NIF3L1: variants seen among roughly 807,000 people sequenced by gnomAD.
The protein encoded by NIF3L1 is NGG1 interacting factor 3 like 1.
Under a neutral mutation model 35.0 loss-of-function variants are expected in NIF3L1, and 26 were observed. That is an observed-to-expected ratio of 0.74 (90% CI 0.54 to 1.03). The LOEUF (loss-of-function observed/expected upper bound fraction) is 1.03, where lower values mean the gene tolerates loss of function less well. NIF3L1 is among the 50% of genes least tolerant of loss of function. The pLI is 0.00. For missense variants in NIF3L1, 449 were observed against 466.3 expected (o/e 0.96, Z 0.34); for synonymous variants, 157 against 178.9 (o/e 0.88, Z 0.98).
At chr2:200,893,189 T>C (rs2040235490) in intron 2 of NIF3L1, 57 bp from the exon 3 acceptor site, 2 of 1,390,884 alleles carry the variant, frequency 1.4e-6, no homozygotes, top group Non-Finnish European at 9.6e-7. Context: ...TAGTTTACTT[T>C]TAAATCTTAA....
intron 5 of NIF3L1, 43 bp from the exon 6 acceptor site, chr2:200,899,337 TGAAAG>T (rs2040373691): frequency 1.4e-6 from 2 of 1,395,562 alleles, no homozygotes; most frequent in African/African-American, 1.4e-5. Flanking sequence ...AATAGTAAAA[TGAAAG>T]GGAATTGTAA....
rs1475916812 is a variant in NIF3L1 at position 200,897,068 on chromosome 2, C to G, written c.727-8C>G. ...TGCACACCGTTTCTAACTTCTGTTTCTCCTCAGCCTTTGCTTCTACATACT... is the reference window on the plus strand; with the variant it reads ...TGCACACCGTTTCTAACTTCTGTTTGTCCTCAGCCTTTGCTTCTACATACT... On this transcript the variant is annotated splice_region_variant and splice_polypyrimidine_tract_variant and intron_variant, in intron 4 of 6. Transcript: ENST00000409020. 6 of 1,612,970 alleles carry G rather than the reference C, an allele frequency of 3.7e-6. No homozygotes were observed. Among genetic ancestry groups the G allele is most frequent in the Non-Finnish European group, 5.1e-6 (6 of 1,179,390 alleles).
chr2:200,894,111 TTGCAG>T lies in NIF3L1; in HGVS notation c.599+706_599+710del, dbSNP rs540550248. ...ATCACTTGAACCCGAGAGGCGGAGG[TTGCAG>T]TGAGCCGAGATCGCGCCACTGCACT... On this transcript the variant is annotated intron_variant, in intron 3 of 6. Coordinates refer to ENST00000409020, the MANE Select transcript of NIF3L1 (RefSeq NM_001369441.2). 1.3e-4 allele frequency among the ~76,000 whole-genome samples: 20 copies of T among 150,296 alleles called. No homozygotes were observed. The East Asian group carries it at 4.0e-3, about 30-fold the overall frequency.
At chr2:200,891,333 T>C (rs1364888649) in intron 1 of NIF3L1, among the ~76,000 whole-genome samples, 1 of 152,210 alleles carries the variant, frequency 6.6e-6, no homozygotes, top group Non-Finnish European at 1.5e-5. Context: ...AGGCGGGCAG[T>C]GTCATTCTAT....
chr2:200,893,479 C>T, intron 3 of NIF3L1, 71 bp downstream of exon 3: 1 of 1,447,518 alleles, frequency 6.9e-7, no homozygotes, highest in East Asian at 2.3e-5. Flanking sequence ...GTCTATAACC[C>T]TGGTATTTAG....
In NIF3L1 at chr2:200,893,377, GAC is replaced by G. The variant is rs1341525364; in HGVS notation, c.569_570del (p.Asp190GlyfsTer10). Reference sequence around the variant, plus strand: ...AGTCATGTCTGCAGTGAAAGGAATTGACGGTGTTTCTGTCACTTCTTTTTCTG... The same window carrying G: ...AGTCATGTCTGCAGTGAAAGGAATTGGGTGTTTCTGTCACTTCTTTTTCTG... ...DKVMSAVKGI[D>X]GVSVTSFSAR... On this transcript the variant is annotated frameshift_variant, in exon 3 of 7. Transcript: ENST00000409020. LOFTEE classifies it high-confidence loss of function. 1 of 1,613,926 alleles carries G rather than the reference GAC, an allele frequency of 6.2e-7. No individual in the cohort carries two copies. The highest frequency in any genetic ancestry group is 8.5e-7 in the Non-Finnish European group (1 of 1,179,924).
intron 4 of NIF3L1, 50 bp downstream of exon 4, chr2:200,895,440 C>T: frequency 6.3e-7 from 1 of 1,582,754 alleles, no homozygotes; most frequent in Non-Finnish European, 8.7e-7. Flanking sequence ...CACACATTTT[C>T]TAACAGTATA....
At position 200,892,063 on chromosome 2, in the gene NIF3L1, T is replaced by C; in HGVS notation, c.120T>C (p.Phe40=). The C allele has an allele frequency of 6.2e-7, 1 of 1,614,232 alleles. No homozygotes were observed. The highest frequency in any genetic ancestry group is 8.5e-7 in the Non-Finnish European group (1 of 1,180,034). Residue 40 remains phenylalanine (F), a synonymous_variant, in exon 2 of 7, where the codon TTT becomes TTC. Coordinates refer to ENST00000409020, the MANE Select transcript of NIF3L1 (RefSeq NM_001369441.2). ...LKALLSSLND[F]ASLSFAESWD... Reference sequence around the variant, plus strand: ...CTCTCCTTTCTTCCTTGAATGACTTTGCATCCCTCTCGTTTGCTGAGAGTT... The same window carrying C: ...CTCTCCTTTCTTCCTTGAATGACTTCGCATCCCTCTCGTTTGCTGAGAGTT...
Position 200,893,404 on chromosome 2 carries a change from G to T in NIF3L1, c.595G>T (p.Ala199Ser), listed in dbSNP as rs776051945. 5.0e-6 allele frequency: 8 copies of T among 1,613,464 alleles called. No homozygotes were observed. Among genetic ancestry groups the T allele is most frequent in the Non-Finnish European group, 6.8e-6 (8 of 1,179,710 alleles). ...CGGTGTTTCTGTCACTTCTTTTTCT[G>T]CTAGGTACAATTTATTTTTCTCTTT... ...IDGVSVTSFS[A>S]RTGNEEQTRI... Residue 199 changes from alanine (A) to serine (S), a missense_variant, in exon 3 of 7, where the codon GCT (alanine) becomes TCT (serine). Physicochemically the swap from Ala to Ser is moderately conservative, Grantham distance 99. Transcript: ENST00000409020.
chr2:200,900,845 T>G (rs2040400383), intron 6 of NIF3L1, among the ~76,000 whole-genome samples: 1 of 152,236 alleles, frequency 6.6e-6, no homozygotes, highest in African/African-American at 2.4e-5. Flanking sequence ...AATAGTATAC[T>G]GAACTCCTAT....
intron 5 of NIF3L1, 136 bp downstream of exon 5, chr2:200,897,350 A>G (rs2040336063): frequency 2.3e-6 from 2 of 868,692 alleles, no homozygotes; most frequent in Non-Finnish European, 3.5e-6. Context: ...GTTATTGATT[A>G]GGGTGGGCCA....
chr2:200,896,351 CTCTGTG>C (rs989934487), intron 4 of NIF3L1, among the ~76,000 whole-genome samples: 1 of 152,180 alleles, frequency 6.6e-6, no homozygotes, highest in African/African-American at 2.4e-5. Flanking sequence ...TGTCCATGTC[CTCTGTG>C]TTTAGAATGC....
intron 6 of NIF3L1, among the ~76,000 whole-genome samples, chr2:200,900,122 T>G (rs2040387733): frequency 6.6e-6 from 1 of 152,190 alleles, no homozygotes. Flanking sequence ...CTGAGAAGCC[T>G]TCTCTGACAC....
At chr2:200,894,004 G>A (rs922012871) in intron 3 of NIF3L1, among the ~76,000 whole-genome samples, 4 of 151,820 alleles carry the variant, frequency 2.6e-5, no homozygotes, top group Non-Finnish European at 5.9e-5. Flanking sequence ...GAGAAACCTC[G>A]TCTCTACTAA....
rs75370944 is a variant in NIF3L1 at position 200,899,374 on chromosome 2, C to T, written c.866-11C>T. ...GTAAAGTATTGGTCTCTTGTTTCCT[C>T]TGTTTTGAAGAGTCTCAAGTCAAAG... is the stretch of plus-strand genomic sequence containing the variant. On this transcript the variant is annotated splice_polypyrimidine_tract_variant and intron_variant, in intron 5 of 6. Coordinates refer to ENST00000409020, the MANE Select transcript of NIF3L1 (RefSeq NM_001369441.2). The T allele has an allele frequency of 7.1e-3, 11,427 of 1,608,028 alleles. 729 individuals carry two copies. The African/African-American group carries it at 0.14, about 19-fold the overall frequency.
intron 3 of NIF3L1, among the ~76,000 whole-genome samples, chr2:200,894,551 C>T (rs1046697423): frequency 1.3e-5 from 2 of 151,584 alleles, no homozygotes; most frequent in African/African-American, 4.8e-5. Context: ...CAGGCACCCG[C>T]CCCCCACCAC....
chr2:200,891,843 G>A (rs2040197386), intron 1 of NIF3L1, 75 bp from the exon 2 acceptor site: 1 of 848,614 alleles, frequency 1.2e-6, no homozygotes, highest in Non-Finnish European at 1.8e-6. Flanking sequence ...CAGCTCTTTT[G>A]CCCATATGTT....
chr2:200,890,267 A>G (rs996857507), intron 1 of NIF3L1, among the ~76,000 whole-genome samples: 2 of 152,076 alleles, frequency 1.3e-5, no homozygotes, highest in Admixed American at 1.3e-4. Flanking sequence ...CTGAGGTGGG[A>G]GGATCTGCTT....
chr2:200,891,960 T>C lies in NIF3L1; in HGVS notation c.17T>C (p.Val6Ala). The C allele has an allele frequency of 6.2e-7, 1 of 1,610,632 alleles. No individual in the cohort carries two copies. Among genetic ancestry groups the C allele is most frequent in the Non-Finnish European group, 8.5e-7 (1 of 1,177,908 alleles). MLSSCVRPVPTTVRFV... is the reference protein window; with the variant it reads MLSSCARPVPTTVRFV... Reference sequence around the variant, plus strand: ...GATTTCTGTATGTTGTCATCTTGCGTACGCCCAGTCCCCACGACAGTCCGG... The same window carrying C: ...GATTTCTGTATGTTGTCATCTTGCGCACGCCCAGTCCCCACGACAGTCCGG... Residue 6 changes from valine (V) to alanine (A), a missense_variant, in exon 2 of 7, where the codon GTA (valine) becomes GCA (alanine). By Grantham distance (64) the Val-to-Ala change is moderately conservative (BLOSUM62 0). Transcript: ENST00000409020.
Sources: gnomAD v4.1 joint callset for allele counts (sites outside exome capture counted in the v4.1 genomes callset) on GRCh38, gnomAD v4.1.1 for gene constraint, MANE v1.5 for transcripts, NCBI Gene and HGNC (gene_info 2026-07-23, HGNC 2026-07-21) for gene names.